CDYL: variants seen among roughly 807,000 people sequenced by gnomAD.
The protein encoded by CDYL is chromodomain Y like.
CDYL carries 8 observed loss-of-function variants against 47.3 expected under a neutral mutation model. The ratio of observed to expected loss-of-function variants is 0.17; its 90% CI spans 0.10 to 0.31. CDYL has a LOEUF of 0.31. Ranked by LOEUF, CDYL falls within the 10% of genes least tolerant of loss-of-function variation. CDYL has a pLI of 1.00. For synonymous variants in CDYL, 266 were observed against 265.0 expected (o/e 1.00, Z -0.04); for missense variants, 471 against 701.4 (o/e 0.67, Z 3.71).
rs17138845 is a variant in CDYL at position 4,786,256 on chromosome 6, A to G, written c.24+9449A>G. ...TGATATTAACCATGTAGTCCATACAATTTTTGGGATTCAATATGAAATATT... is the reference window on the plus strand; with the variant it reads ...TGATATTAACCATGTAGTCCATACAGTTTTTGGGATTCAATATGAAATATT... On this transcript the variant is annotated intron_variant, in intron 1 of 6. Transcript: ENST00000397588. Among the ~76,000 whole-genome samples the G allele has an allele frequency of 7.0e-3, 1,064 of 152,214 alleles. 11 individuals carry two copies. The highest frequency in any genetic ancestry group is 0.022 in the African/African-American group (933 of 41,508).
At chr6:4,938,921 G>A (rs969988340) in intron 4 of CDYL, among the ~76,000 whole-genome samples, 1 of 152,096 alleles carries the variant, frequency 6.6e-6, no homozygotes, top group Admixed American at 6.6e-5. Context: ...TGTATAATTA[G>A]AAGTGTCTGA....
intron 1 of CDYL, among the ~76,000 whole-genome samples, chr6:4,796,006 G>C (rs1759062152): frequency 6.6e-6 from 1 of 152,064 alleles, no homozygotes; most frequent in South Asian, 2.1e-4. Flanking sequence ...CCAGGTTAGA[G>C]TGCGGTGCAG....
intron 2 of CDYL, among the ~76,000 whole-genome samples, chr6:4,894,831 AGTCGT>A (rs1468845156): frequency 1.5e-5 from 2 of 132,950 alleles, no homozygotes; most frequent in Non-Finnish European, 3.2e-5. Flanking sequence ...TGTCCACAAA[AGTCGT>A]GTGTGTGTGT....
intron 1 of CDYL, among the ~76,000 whole-genome samples, chr6:4,707,656 T>C (rs1294142431): frequency 1.3e-5 from 2 of 152,242 alleles, no homozygotes; most frequent in Non-Finnish European, 2.9e-5. Flanking sequence ...AAAATCAGAC[T>C]TCTAAAATGT....
intron 1 of CDYL, among the ~76,000 whole-genome samples, chr6:4,890,478 A>G (rs1034080610): frequency 1.8e-4 from 28 of 152,130 alleles, no homozygotes; most frequent in Admixed American, 1.4e-3. Flanking sequence ...CTTTTTTCTC[A>G]GAAGCAATAA....
intron 1 of CDYL, among the ~76,000 whole-genome samples, chr6:4,833,353 G>GT (rs1438586708): frequency 6.6e-6 from 1 of 151,448 alleles, no homozygotes; most frequent in African/African-American, 2.4e-5. Context: ...TCAGGAGCAG[G>GT]TTGTTCAGTT....
chr6:4,929,515 C>CAT (rs1757973956), intron 2 of CDYL, among the ~76,000 whole-genome samples: 1 of 151,572 alleles, frequency 6.6e-6, no homozygotes, highest in African/African-American at 2.4e-5. Flanking sequence ...CACACACACA[C>CAT]ACACACACAC....
intron 1 of CDYL, among the ~76,000 whole-genome samples, chr6:4,848,099 A>G (rs1443663172): frequency 6.6e-6 from 1 of 152,246 alleles, no homozygotes; most frequent in Non-Finnish European, 1.5e-5. Flanking sequence ...GAAATTTAAT[A>G]AAATTTAACC....
chr6:4,952,430 T>A, intron 6 of CDYL, 21 bp downstream of exon 6: 1 of 1,581,792 alleles, frequency 6.3e-7, no homozygotes, highest in African/African-American at 1.4e-5. Context: ...TTGCTTCTGT[T>A]ACACGTTACT....
chr6:4,740,384 G>T (rs553623199), intron 3 of CDYL, among the ~76,000 whole-genome samples: 1 of 152,242 alleles, frequency 6.6e-6, no homozygotes, highest in East Asian at 1.9e-4. Context: ...CACAGCTGGG[G>T]CAGAGGGCGT....
chr6:4,854,267 C>T (rs894216430), intron 1 of CDYL, among the ~76,000 whole-genome samples: 1 of 152,198 alleles, frequency 6.6e-6, no homozygotes, highest in African/African-American at 2.4e-5. Flanking sequence ...CTGAGTGATG[C>T]CGTCTTGCAG....
At chr6:4,921,357 C>T (rs1455710497) in intron 2 of CDYL, among the ~76,000 whole-genome samples, 4 of 152,246 alleles carry the variant, frequency 2.6e-5, no homozygotes, top group Non-Finnish European at 4.4e-5. Context: ...AACCAGTCCA[C>T]TTGCCCTTCC....
chr6:4,720,779 G>A (rs894587648), intron 2 of CDYL, among the ~76,000 whole-genome samples: 2 of 152,204 alleles, frequency 1.3e-5, no homozygotes, highest in Non-Finnish European at 2.9e-5. Context: ...AAGCTCTCCT[G>A]CTGGAAAATA....
intron 1 of CDYL, among the ~76,000 whole-genome samples, chr6:4,814,409 G>C (rs1368388080): frequency 6.6e-6 from 1 of 152,200 alleles, no homozygotes; most frequent in Non-Finnish European, 1.5e-5. Flanking sequence ...AGCATATGCA[G>C]AGTCAACCTA....
At chr6:4,753,301 G>T (rs1323672762) in intron 3 of CDYL, among the ~76,000 whole-genome samples, 1 of 152,124 alleles carries the variant, frequency 6.6e-6, no homozygotes, top group East Asian at 1.9e-4. Context: ...AGCTCCCTTA[G>T]AGGTGCTCAC....
At chr6:4,890,008 G>A in intron 1 of CDYL, 1 of 985,440 alleles carries the variant, frequency 1.0e-6, no homozygotes, top group South Asian at 4.7e-5. Context: ...GGAGGGAGGG[G>A]AAACAAAAGC....
chr6:4,797,142 T>C (rs566215662), intron 1 of CDYL, among the ~76,000 whole-genome samples: 33 of 152,252 alleles, frequency 2.2e-4, no homozygotes, highest in African/African-American at 7.7e-4. Context: ...TTAATTCTTT[T>C]CAGTGTACCA....
intron 3 of CDYL, among the ~76,000 whole-genome samples, chr6:4,759,029 A>G (rs948371697): frequency 7.7e-5 from 11 of 142,814 alleles, no homozygotes; most frequent in African/African-American, 2.9e-4. Flanking sequence ...GTGCAGTGGC[A>G]CGATCTCGGC....
In CDYL at chr6:4,830,130, G is replaced by A. The variant is rs77303818; in HGVS notation, c.24+53323G>A. ...TGAATGGTTGTGGTGGAAAGTCACT[G>A]ACAATTTTCAATATTCAAGGTGTGC... is the stretch of plus-strand genomic sequence containing the variant. On this transcript the variant is annotated intron_variant, in intron 1 of 6. Coordinates refer to ENST00000397588, the MANE Select transcript of CDYL (RefSeq NM_004824.4). Among the ~76,000 whole-genome samples the A allele has an allele frequency of 3.6e-3, 545 of 152,358 alleles. 3 individuals carry two copies. The highest frequency in any genetic ancestry group is 3.0e-3 in the Non-Finnish European group (204 of 68,026).
Sources: gnomAD v4.1 joint callset for allele counts (sites outside exome capture counted in the v4.1 genomes callset) on GRCh38, gnomAD v4.1.1 for gene constraint, MANE v1.5 for transcripts, NCBI Gene and HGNC (gene_info 2026-07-23, HGNC 2026-07-21) for gene names.